Variants in ELFN2 observed in about 807,000 individuals in gnomAD.
The protein encoded by ELFN2 is extracellular leucine rich repeat and fibronectin type III domain containing 2.
ELFN2 carries 17 observed loss-of-function variants against 45.5 expected under a neutral mutation model. That is an observed-to-expected ratio of 0.37 (90% confidence interval 0.26 to 0.56). ELFN2 has a LOEUF of 0.56. Among genes scored for constraint, ELFN2 ranks in the 20% least tolerant of loss-of-function variants. ELFN2 has a pLI of 0.77. For synonymous variants in ELFN2, 550 were observed against 551.5 expected (o/e 1.00, Z 0.04); for missense variants, 922 against 1,183.2 (o/e 0.78, Z 3.24).
At chr22:37,355,735 C>T (rs4821639) in intron 1 of ELFN2, among the ~76,000 whole-genome samples, 49,435 of 151,884 alleles carry the variant, frequency 0.33, 8,612 homozygotes, top group Middle Eastern at 0.45. Flanking sequence ...GCCGGGGGAG[C>T]CTCTCCACTC....
chr22:37,356,155 G>T (rs537343075), intron 1 of ELFN2, among the ~76,000 whole-genome samples: 122 of 152,250 alleles, frequency 8.0e-4, no homozygotes, highest in Non-Finnish European at 1.5e-3. Context: ...CTGCAGGAGG[G>T]GGCGGTCAAC....
At position 37,373,666 on chromosome 22, in the gene ELFN2, G is replaced by C; in HGVS notation, c.1869C>G (p.Ala623=). ...PLQRQLSADA[A]VTRKTCSVSS... ...ACACGCTGCAGGTCTTGCGGGTCAC[G>C]GCCGCGTCGGCGCTCAGCTGGCGCT... The change falls in exon 3 of 3, where the codon GCC becomes GCG. Residue 623 remains alanine, a synonymous_variant. Transcript: ENST00000402918. 6.4e-7 allele frequency: 1 copy of C among 1,573,816 alleles called. No homozygotes were observed. The highest frequency in any genetic ancestry group is 8.6e-7 in the Non-Finnish European group (1 of 1,161,964).
intron 1 of ELFN2, among the ~76,000 whole-genome samples, chr22:37,419,350 CAT>C (rs1491022296): frequency 3.3e-5 from 5 of 151,842 alleles, no homozygotes; most frequent in Non-Finnish European, 7.4e-5. Context: ...CACACACACA[CAT>C]AGACCTGTCC....
intron 1 of ELFN2, among the ~76,000 whole-genome samples, chr22:37,349,644 T>G (rs1601731734): frequency 6.6e-6 from 1 of 150,786 alleles, no homozygotes; most frequent in Admixed American, 6.6e-5. Flanking sequence ...CACTGGGTGG[T>G]GGGGTGGGGG....
rs558060188 is a variant in ELFN2 at position 37,354,031 on chromosome 22, A to G, written n.149-11328T>C. On this transcript the variant is annotated intron_variant and non_coding_transcript_variant, in intron 1 of 2. Coordinates refer to ENST00000452946, the Ensembl canonical transcript of ELFN2. ...GACCCAAATGTCCATCAACGGTTGA[A>G]TGCATAAATCCATTGTGGTGTATTT... 15 of 152,370 alleles carry G rather than the reference A, an allele frequency of 9.8e-5. No individual in the cohort carries two copies. The East Asian group carries it at 2.9e-3, about 29-fold the overall frequency. The allele number at this position is 152,370 out of a possible 1,614,324, so 9.4% of individuals were successfully genotyped here. A position where few individuals can be genotyped will look rare whatever the true frequency, so the allele number is the denominator to read the frequency against.
intron 1 of ELFN2, among the ~76,000 whole-genome samples, chr22:37,343,159 C>A (rs1168614680): frequency 6.6e-6 from 1 of 152,116 alleles, no homozygotes; most frequent in Non-Finnish European, 1.5e-5. Context: ...AGCAGGGCGG[C>A]GACTGGAAGG....
chr22:37,409,622 C>T (rs1932596790), intron 2 of ELFN2, among the ~76,000 whole-genome samples: 1 of 152,202 alleles, frequency 6.6e-6, no homozygotes, highest in African/African-American at 2.4e-5. Context: ...GGCAGCGTGC[C>T]GGGTCAGAGG....
In ELFN2 at chr22:37,375,066, C is replaced by T; in HGVS notation, c.469G>A (p.Asp157Asn). The change falls in exon 3 of 3, where the codon GAC (aspartate) becomes AAC (asparagine). Residue 157 changes from aspartate (D) to asparagine (N), a missense_variant. Asp to Asn is a conservative substitution (Grantham distance 23, BLOSUM62 1). This residue lies in a region of ELFN2 where 358 missense variants were observed against 540.4 expected (regional missense o/e 0.66). Coordinates refer to ENST00000402918, the MANE Select transcript of ELFN2 (RefSeq NM_052906.5). ...CGGCTGAGGCGGTTGGAGGACAGGT[C>T]GATGCTGATGAGGCTCGGGCACTCG... ...FSECPSLISI[D>N]LSSNRLSRLD... 1 of 1,613,532 alleles carries T rather than the reference C, an allele frequency of 6.2e-7. No individual in the cohort carries two copies. The highest frequency in any genetic ancestry group is 1.7e-5 in the Admixed American group (1 of 60,008).
Position 37,375,614 on chromosome 22 carries a change from T to C in ELFN2, c.-80A>G. ...GAGGCTGGGGCTGGCAGTACAGTCC[T>C]CCCTGGGGCCGCCACCATCTTGGGG... On this transcript the variant is annotated 5_prime_UTR_variant, in exon 3 of 3. Coordinates refer to ENST00000402918, the MANE Select transcript of ELFN2 (RefSeq NM_052906.5). 6.9e-7 allele frequency: 1 copy of C among 1,440,162 alleles called. No individual in the cohort carries two copies. Among genetic ancestry groups the C allele is most frequent in the Non-Finnish European group, 9.2e-7 (1 of 1,089,954 alleles). 89.2% of individuals were successfully genotyped at this position (1,440,162 alleles called of 1,614,324 possible).
intron 2 of ELFN2, among the ~76,000 whole-genome samples, chr22:37,389,064 C>A (rs1400747537): frequency 1.3e-5 from 2 of 152,178 alleles, no homozygotes; most frequent in Non-Finnish European, 2.9e-5. Context: ...CAGAGCTTGG[C>A]GTCCTCCTCT....
At chr22:37,354,687 T>A (rs75777878) in intron 1 of ELFN2, 1 of 151,544 alleles carries the variant, frequency 6.6e-6, no homozygotes, top group Admixed American at 6.6e-5. Flanking sequence ...GTTTTTGCTA[T>A]CTTTCATTTA....
Position 37,373,114 on chromosome 22 carries a change from G to A in ELFN2, c.2421C>T (p.Ile807=). The A allele has an allele frequency of 6.2e-7, 1 of 1,609,216 alleles. No homozygotes were observed. The change falls in exon 3 of 3, where the codon ATC becomes ATT. Residue 807 remains isoleucine, a synonymous_variant. Transcript: ENST00000402918. ...CGGAGACCCCCTTCCAGTAATCAAG[G>A]ATGTCATGCAGATCCTCGTCCTTGG... The part of the protein sequence containing the change: ...QFAKDEDLHD[I]LDYWKGVSAQ...
intron 2 of ELFN2, among the ~76,000 whole-genome samples, chr22:37,409,928 T>C (rs546701388): frequency 1.8e-4 from 28 of 152,272 alleles, no homozygotes; most frequent in African/African-American, 6.5e-4. Context: ...GGAGGAGGCC[T>C]TGGGAACAGG....
chr22:37,402,721 TG>T lies in ELFN2; in HGVS notation c.-463+15047del, dbSNP rs1372181356. On this transcript the variant is annotated intron_variant, in intron 2 of 2. Transcript: ENST00000402918. ...CCTGGCAGCTGGAGGAGCAAATAAA[TG>T]GCCAGTTACGCAGGTGGCAGGAGAG... is the stretch of plus-strand genomic sequence containing the variant. 3.3e-5 allele frequency among the ~76,000 whole-genome samples: 5 copies of T among 152,090 alleles called. No homozygotes were observed. The East Asian group carries it at 9.7e-4, about 29-fold the overall frequency.
intron 2 of ELFN2, among the ~76,000 whole-genome samples, chr22:37,408,088 G>A (rs1348799989): frequency 6.6e-6 from 1 of 152,196 alleles, no homozygotes; most frequent in Admixed American, 6.5e-5. Flanking sequence ...AGTTTCTCCA[G>A]GCCGGGTGTG....
At chr22:37,414,223 A>G (rs1345992009) in intron 2 of ELFN2, among the ~76,000 whole-genome samples, 1 of 152,194 alleles carries the variant, frequency 6.6e-6, no homozygotes, top group Non-Finnish European at 1.5e-5. Context: ...GAGGGCAGAG[A>G]GTAAGCAAGC....
At chr22:37,418,403 G>A (rs1358419047) in intron 1 of ELFN2, among the ~76,000 whole-genome samples, 2 of 151,970 alleles carry the variant, frequency 1.3e-5, no homozygotes, top group African/African-American at 4.8e-5. Flanking sequence ...TGGGCAGGAG[G>A]AGCAGGCACA....
At chr22:37,367,112 C>T (rs148602484), downstream of ELFN2, among the ~76,000 whole-genome samples, 71 of 152,342 alleles carry the variant, frequency 4.7e-4, no homozygotes, top group African/African-American at 1.6e-3. Flanking sequence ...TGAATACAGG[C>T]TTTCGTGGAG....
At position 37,373,517 on chromosome 22, in the gene ELFN2, G is replaced by A. The variant is rs781507031; in HGVS notation, c.2018C>T (p.Pro673Leu). The change falls in exon 3 of 3, where the codon CCG becomes CTG. Residue 673 changes from proline to leucine, a missense_variant. Pro to Leu is a moderately conservative substitution (Grantham distance 98). Transcript: ENST00000402918. ...YIEKGSPLNS[P>L]LDRLPLVPAG... ...CGGCACCAGCGGGAGCCGGTCCAGCGGGCTGTTGAGGGGGCTGCCCTTCTC... is the reference window on the plus strand; with the variant it reads ...CGGCACCAGCGGGAGCCGGTCCAGCAGGCTGTTGAGGGGGCTGCCCTTCTC... The A allele has an allele frequency of 1.5e-4, 237 of 1,564,316 alleles. No individual in the cohort carries two copies. The highest frequency in any genetic ancestry group is 2.2e-4 in the South Asian group (19 of 86,088).
Sources: allele counts gnomAD v4.1 joint callset (sites outside exome capture counted in the v4.1 genomes callset), GRCh38; gene constraint gnomAD v4.1.1; regional missense constraint gnomAD v4.1.1; transcripts MANE v1.5; gene names NCBI Gene and HGNC (gene_info 2026-07-23, HGNC 2026-07-21).